Variants in LIMCH1 observed in about 807,000 individuals in gnomAD.
LIMCH1 encodes the protein LIM and calponin homology domains-containing protein 1.
Under a neutral mutation model 176.5 loss-of-function variants are expected in LIMCH1, and 113 were observed. The observed-to-expected ratio is 0.64, with a 90% CI of 0.55 to 0.75. The LOEUF is 0.75. Among genes scored for constraint, LIMCH1 ranks in the 30% least tolerant of loss-of-function variants. The pLI is 0.00. For synonymous variants in LIMCH1, 619 were observed against 645.9 expected, an observed-to-expected ratio of 0.96 and a Z score of 0.63; for missense variants, 1,674 against 1,814.9, an observed-to-expected ratio of 0.92 and a Z score of 1.41.
At chr4:41,443,171 AT>A (rs2062876492) in intron 1 of LIMCH1, among the ~76,000 whole-genome samples, 1 of 150,850 alleles carries the variant, frequency 6.6e-6, no homozygotes, top group African/African-American at 2.4e-5. Flanking sequence ...AGAAAAAAAA[AT>A]CATATTGGAT....
At chr4:41,476,789 A>C (rs1274099340) in intron 1 of LIMCH1, among the ~76,000 whole-genome samples, 2 of 152,192 alleles carry the variant, frequency 1.3e-5, no homozygotes, top group Admixed American at 6.5e-5. Context: ...GATTATTTCA[A>C]GCTGGATTCT....
At chr4:41,405,730 G>C (rs2058891078) in intron 1 of LIMCH1, among the ~76,000 whole-genome samples, 1 of 151,820 alleles carries the variant, frequency 6.6e-6, no homozygotes, top group Admixed American at 6.6e-5. Flanking sequence ...TTATATGAAT[G>C]TATCAAATTA....
chr4:41,669,064 A>T (rs1363524329), intron 21 of LIMCH1, among the ~76,000 whole-genome samples: 1 of 152,180 alleles, frequency 6.6e-6, no homozygotes, highest in Non-Finnish European at 1.5e-5. Context: ...GAATACTTTC[A>T]TCTGGTTCAT....
intron 1 of LIMCH1, among the ~76,000 whole-genome samples, chr4:41,378,139 T>C (rs569056212): frequency 6.6e-6 from 1 of 152,136 alleles, no homozygotes; most frequent in Non-Finnish European, 1.5e-5. Flanking sequence ...AGGTGTGTGG[T>C]AGCAGAGTGC....
intron 1 of LIMCH1, among the ~76,000 whole-genome samples, chr4:41,368,886 T>C (rs919209433): frequency 6.6e-6 from 1 of 152,166 alleles, no homozygotes; most frequent in African/African-American, 2.4e-5. Context: ...GAGCCTAGAC[T>C]CTGGATTAAA....
At chr4:41,661,796 T>C in intron 19 of LIMCH1, 1 of 396,908 alleles carries the variant, frequency 2.5e-6, no homozygotes, top group South Asian at 2.8e-5. Context: ...TTCTTCCATA[T>C]AAATCATGCT....
At chr4:41,575,823 T>G (rs1357139168) in intron 1 of LIMCH1, among the ~76,000 whole-genome samples, 2 of 152,204 alleles carry the variant, frequency 1.3e-5, no homozygotes, top group Admixed American at 1.3e-4. Context: ...CCTGTTGATC[T>G]TATAGGAGAT....
chr4:41,411,748 C>G (rs1581727226), intron 1 of LIMCH1, among the ~76,000 whole-genome samples: 1 of 151,626 alleles, frequency 6.6e-6, no homozygotes, highest in East Asian at 1.9e-4. Flanking sequence ...ATCATGAGGT[C>G]AGGAGTTCAA....
At chr4:41,390,706 GT>G (rs1476515172) in intron 1 of LIMCH1, among the ~76,000 whole-genome samples, 5 of 152,096 alleles carry the variant, frequency 3.3e-5, no homozygotes, top group Admixed American at 3.3e-4. Flanking sequence ...CACTTGAATA[GT>G]TAGGTACTCA....
intron 1 of LIMCH1, among the ~76,000 whole-genome samples, chr4:41,580,764 T>C (rs2085279567): frequency 6.6e-6 from 1 of 152,038 alleles, no homozygotes; most frequent in Non-Finnish European, 1.5e-5. Flanking sequence ...ATAAATCTGT[T>C]GAAAGCCCAC....
At chr4:41,369,960 T>TGTGTGTGTGTGTGTGTGTGTGTG (rs1314027068) in intron 1 of LIMCH1, among the ~76,000 whole-genome samples, 1 of 62,430 alleles carries the variant, frequency 1.6e-5, no homozygotes. Context: ...GTGTGTGTGT[T>TGTGTGTGTGTGTGTGTGTGTGTG]TTGTAGTGAT....
intron 19 of LIMCH1, 77 bp downstream of exon 19, chr4:41,661,587 T>A: frequency 9.1e-7 from 1 of 1,094,448 alleles, no homozygotes; most frequent in Non-Finnish European, 1.4e-6. Context: ...TCAAGAATTT[T>A]TCCTACTGAG....
chr4:41,666,711 ATCTGTAGTAAACTATTACTTAATT>A (rs2094838939), intron 21 of LIMCH1, 45 bp downstream of exon 21: 1 of 1,235,976 alleles, frequency 8.1e-7, no homozygotes, highest in Admixed American at 1.7e-5. Flanking sequence ...TTCTGGGCCC[ATCTGTAGTAAACTATTACTTAATT>A]TAAAGGAAGA....
intron 13 of LIMCH1, among the ~76,000 whole-genome samples, chr4:41,636,603 G>A (rs910613157): frequency 3.3e-5 from 5 of 152,076 alleles, no homozygotes; most frequent in Non-Finnish European, 5.9e-5. Flanking sequence ...CACCTGATAA[G>A]TATTTAATAA....
intron 1 of LIMCH1, among the ~76,000 whole-genome samples, chr4:41,549,622 G>A (rs551332903): frequency 8.5e-5 from 13 of 152,244 alleles, no homozygotes; most frequent in South Asian, 6.2e-4. Context: ...CCCAGCTAGC[G>A]TATGACAGAG....
chr4:41,478,464 A>G (rs2068074725), intron 1 of LIMCH1, among the ~76,000 whole-genome samples: 1 of 152,204 alleles, frequency 6.6e-6, no homozygotes, highest in Admixed American at 6.5e-5. Flanking sequence ...TCATTTGGTA[A>G]TCTAATAACT....
At chr4:41,378,770 CAG>C (rs1042748264) in intron 1 of LIMCH1, among the ~76,000 whole-genome samples, 1 of 152,040 alleles carries the variant, frequency 6.6e-6, no homozygotes, top group African/African-American at 2.4e-5. Flanking sequence ...GTGAGAGAAA[CAG>C]AGAAATCCAG....
intron 1 of LIMCH1, among the ~76,000 whole-genome samples, chr4:41,592,462 CT>C (rs10714719): frequency 0.089 from 13,392 of 150,570 alleles, 1,862 homozygotes; most frequent in African/African-American, 0.3. Context: ...CAGCAACTAT[CT>C]TTTTTTTTTC....
rs557978812 is a variant in LIMCH1, at chr4:41,606,000, G to A, written c.5G>A (p.Arg2Gln). The A allele has an allele frequency of 3.4e-5, 54 of 1,609,000 alleles. No homozygotes were observed. Among genetic ancestry groups the A allele is most frequent in the South Asian group, 2.5e-4 (23 of 90,908 alleles). The change falls in exon 4 of 32, where the codon CGA (arginine) becomes CAA (glutamine). Residue 2 changes from arginine to glutamine, a missense_variant. Physicochemically the swap from Arg to Gln is conservative, Grantham distance 43. Transcript: ENST00000503057. ...TTTGAAGGATTGTTGGCTCAGATGC[G>A]AAAGGTAACTTGGCTTTTCTTCTTT... M[R>Q]KDTDDIESPK...
Sources: allele counts gnomAD v4.1 joint callset (sites outside exome capture counted in the v4.1 genomes callset), GRCh38; gene constraint gnomAD v4.1.1; transcripts MANE v1.5; gene names NCBI Gene and HGNC (gene_info 2026-07-23, HGNC 2026-07-21).